Variants in NOL10 observed in about 807,000 individuals in gnomAD.
NOL10 encodes H_NH0074G24.1.
In NOL10, 58 loss-of-function variants were observed where a neutral mutation model predicts 103.5. The observed-to-expected ratio is 0.56, with a 90% CI of 0.45 to 0.70. NOL10 has a LOEUF of 0.70. Among genes scored for constraint, NOL10 ranks in the 30% least tolerant of loss-of-function variants. The pLI is 0.00. For synonymous variants in NOL10, 287 were observed against 282.5 expected (o/e 1.02, Z -0.16); for missense variants, 763 against 807.3 (o/e 0.95, Z 0.67).
intron 19 of NOL10, among the ~76,000 whole-genome samples, chr2:10,582,400 G>C (rs369441856): frequency 4.6e-5 from 7 of 152,298 alleles, no homozygotes; most frequent in Admixed American, 3.9e-4. Flanking sequence ...AGGCTGCCTG[G>C]CAGCTAATAT....
chr2:10,665,218 A>C (rs1185527217), intron 8 of NOL10, among the ~76,000 whole-genome samples: 1 of 152,206 alleles, frequency 6.6e-6, no homozygotes, highest in African/African-American at 2.4e-5. Flanking sequence ...AAAATGAGTT[A>C]ATAAATTTTA....
At chr2:10,601,312 C>G (rs1278726548) in intron 16 of NOL10, among the ~76,000 whole-genome samples, 1 of 152,194 alleles carries the variant, frequency 6.6e-6, no homozygotes, top group Non-Finnish European at 1.5e-5. Flanking sequence ...ATCCGCCTGC[C>G]TGGGCCTTCC....
chr2:10,682,125 T>G, intron 2 of NOL10, 56 bp from the exon 3 acceptor site: 1 of 730,766 alleles, frequency 1.4e-6, no homozygotes, highest in Non-Finnish European at 2.1e-6. Flanking sequence ...TTCTCTATCA[T>G]AAGAAGACAA....
intron 11 of NOL10, among the ~76,000 whole-genome samples, chr2:10,656,372 C>G (rs1332499050): frequency 6.6e-6 from 1 of 152,144 alleles, no homozygotes; most frequent in Non-Finnish European, 1.5e-5. Context: ...GGGCAATCAT[C>G]AGGGCAATTC....
At chr2:10,576,709 G>A (rs934488903) in intron 20 of NOL10, among the ~76,000 whole-genome samples, 8 of 152,162 alleles carry the variant, frequency 5.3e-5, no homozygotes, top group African/African-American at 1.2e-4. Flanking sequence ...AGGGGCTGGC[G>A]GATGAAAAGA....
rs1389987500 is a variant in NOL10 at position 10,613,954 on chromosome 2, C to T, written c.1027-6643G>A. 4.5e-5 allele frequency among the ~76,000 whole-genome samples: 6 copies of T among 133,006 alleles called. No individual in the cohort carries two copies. The South Asian group carries it at 1.4e-3, about 31-fold the overall frequency. The allele number at this position is 133,006 out of a possible 152,430, so 87.3% of individuals were successfully genotyped here. A position where few individuals can be genotyped will look rare whatever the true frequency, so the allele number is the denominator to read the frequency against. On this transcript the variant is annotated intron_variant, in intron 13 of 20. Transcript: ENST00000381685. The stretch of plus-strand genomic sequence containing the variant: ...CTCTAAGAGGTAGAGGGTTTTTATC[C>T]CCCATTAGAATTTTTTTTTTTTTTA...
At chr2:10,639,347 G>A (rs981585013) in intron 13 of NOL10, among the ~76,000 whole-genome samples, 3 of 152,156 alleles carry the variant, frequency 2.0e-5, no homozygotes, top group South Asian at 4.1e-4. Flanking sequence ...GCGTGAAGCC[G>A]GGAGGCAGAG....
intron 12 of NOL10, among the ~76,000 whole-genome samples, chr2:10,647,982 G>A (rs1358464420): frequency 6.6e-6 from 1 of 152,168 alleles, no homozygotes; most frequent in African/African-American, 2.4e-5. Flanking sequence ...CCACAGGTCT[G>A]GAGTGGGACT....
At chr2:10,651,825 A>T (rs1375395945) in intron 12 of NOL10, among the ~76,000 whole-genome samples, 1 of 152,138 alleles carries the variant, frequency 6.6e-6, no homozygotes, top group Non-Finnish European at 1.5e-5. Flanking sequence ...CTATTCCTGA[A>T]CTCACCAGAA....
At chr2:10,657,637 G>T in intron 11 of NOL10, 105 bp downstream of exon 11, 1 of 949,638 alleles carries the variant, frequency 1.1e-6, no homozygotes, top group Non-Finnish European at 1.5e-6. Context: ...TGTATATTCA[G>T]TATCTCTTTC....
At chr2:10,638,832 T>C (rs1374383660) in intron 13 of NOL10, among the ~76,000 whole-genome samples, 2 of 124,272 alleles carry the variant, frequency 1.6e-5, no homozygotes, top group African/African-American at 6.4e-5. Context: ...AGACAGATTC[T>C]TGCTCCGTTG....
intron 9 of NOL10, among the ~76,000 whole-genome samples, chr2:10,662,362 G>C (rs1202727271): frequency 6.6e-6 from 1 of 152,156 alleles, no homozygotes; most frequent in African/African-American, 2.4e-5. Context: ...TGAGGAGAGT[G>C]AGCAATGTAT....
chr2:10,684,419 G>GA, intron 2 of NOL10, 148 bp downstream of exon 2: 51 of 654,344 alleles, frequency 7.8e-5, no homozygotes, highest in South Asian at 2.4e-4. Context: ...CATGTCAAAG[G>GA]AAAAAAAAGA....
chr2:10,674,692 C>T (rs1011613149), intron 4 of NOL10, among the ~76,000 whole-genome samples: 5 of 152,058 alleles, frequency 3.3e-5, no homozygotes, highest in Admixed American at 6.6e-5. Flanking sequence ...CCAAAATTAG[C>T]TGGGTGTGGT....
At chr2:10,626,972 T>C (rs1290632772) in intron 13 of NOL10, among the ~76,000 whole-genome samples, 2 of 152,230 alleles carry the variant, frequency 1.3e-5, no homozygotes, top group Non-Finnish European at 2.9e-5. Flanking sequence ...CACACATTAA[T>C]GCTTCTGTAT....
intron 20 of NOL10, among the ~76,000 whole-genome samples, chr2:10,572,545 G>A (rs1218933115): frequency 6.6e-6 from 1 of 152,104 alleles, no homozygotes; most frequent in African/African-American, 2.4e-5. Flanking sequence ...GCCTACACAA[G>A]AGCCACCTTA....
intron 13 of NOL10, among the ~76,000 whole-genome samples, chr2:10,614,450 T>TAA (rs1676732959): frequency 2.0e-5 from 3 of 152,166 alleles, no homozygotes; most frequent in Non-Finnish European, 4.4e-5. Context: ...CAAATAACTT[T>TAA]TTGCATTTTA....
intron 13 of NOL10, among the ~76,000 whole-genome samples, chr2:10,622,628 C>G (rs1415989313): frequency 3.3e-5 from 5 of 152,160 alleles, no homozygotes; most frequent in African/African-American, 9.7e-5. Flanking sequence ...AGCGGAGACC[C>G]AGCCCCTAAT....
Position 10,605,241 on chromosome 2 carries a change from C to A in NOL10, c.1153+1944G>T, listed in dbSNP as rs1195220228. ...CTATCCACCCAGTCCTTTTTACAGA[C>A]GTAATTTTCCAAAGAACGCACTGTG... On this transcript the variant is annotated intron_variant, in intron 14 of 20. Coordinates refer to ENST00000381685, the MANE Select transcript of NOL10 (RefSeq NM_024894.4). Among the ~76,000 whole-genome samples the A allele has an allele frequency of 2.0e-5, 3 of 152,140 alleles. No homozygotes were observed. In the South Asian group the frequency reaches 6.2e-4, roughly 31 times the overall value.
Sources: allele counts gnomAD v4.1 joint callset (sites outside exome capture counted in the v4.1 genomes callset), GRCh38; gene constraint gnomAD v4.1.1; transcripts MANE v1.5; gene names NCBI Gene and HGNC (gene_info 2026-07-23, HGNC 2026-07-21).